The following CACNG2 variants were observed in gnomAD, a reference collection of about 807,000 sequenced individuals.
The protein encoded by CACNG2 is calcium voltage-gated channel auxiliary subunit gamma 2.
Under a neutral mutation model 25.9 loss-of-function variants are expected in CACNG2, and 3 were observed. The observed-to-expected ratio is 0.12, with a 90% CI of 0.05 to 0.30. The LOEUF is 0.30. Ranked by LOEUF, CACNG2 falls within the 10% of genes least tolerant of loss-of-function variation. The probability of loss-of-function intolerance (pLI) is 1.00; values close to 1 mark genes in which losing one functional copy is unlikely to be tolerated. For synonymous variants in CACNG2, 167 were observed against 173.3 expected (o/e 0.96, Z 0.29); for missense variants, 341 against 432.5 (o/e 0.79, Z 1.88).
At chr22:36,686,214 AT>A (rs1937194920) in intron 1 of CACNG2, among the ~76,000 whole-genome samples, 1 of 152,086 alleles carries the variant, frequency 6.6e-6, no homozygotes, top group Non-Finnish European at 1.5e-5. Context: ...TCCCTTCACC[AT>A]GTCAAAACGG....
intron 1 of CACNG2, among the ~76,000 whole-genome samples, chr22:36,696,643 A>G (rs568364935): frequency 1.8e-4 from 28 of 152,322 alleles, no homozygotes; most frequent in African/African-American, 6.5e-4. Flanking sequence ...GTGGTGAGAG[A>G]CAGACACCAC....
intron 1 of CACNG2, among the ~76,000 whole-genome samples, chr22:36,672,213 G>T (rs1936961384): frequency 2.6e-5 from 4 of 151,830 alleles, no homozygotes; most frequent in Admixed American, 2.6e-4. Flanking sequence ...CTGGAGTGCA[G>T]AGGTGTGACC....
intron 1 of CACNG2, among the ~76,000 whole-genome samples, chr22:36,700,325 G>C (rs1601463384): frequency 6.6e-6 from 1 of 152,192 alleles, no homozygotes; most frequent in South Asian, 2.1e-4. Flanking sequence ...GTGATACAAA[G>C]CTACCTCTAG....
chr22:36,589,453 G>A lies in CACNG2; in HGVS notation c.212-1905C>T, dbSNP rs78208555. On this transcript the variant is annotated intron_variant, in intron 1 of 3. Coordinates refer to ENST00000300105, the MANE Select transcript of CACNG2 (RefSeq NM_006078.5). The stretch of plus-strand genomic sequence containing the variant: ...GTATATAGTATACAGGGATACTTAC[G>A]TACTACGTAGGAATATAAGCATTTT... 5.9e-3 allele frequency among the ~76,000 whole-genome samples: 893 copies of A among 152,248 alleles called. 13 individuals carry two copies. Among genetic ancestry groups the A allele is most frequent in the African/African-American group, 0.021 (857 of 41,528 alleles).
chr22:36,676,120 C>A (rs748429355), intron 1 of CACNG2, among the ~76,000 whole-genome samples: 1 of 152,202 alleles, frequency 6.6e-6, no homozygotes, highest in African/African-American at 2.4e-5. Flanking sequence ...CTCCCCACAG[C>A]GCTATCTCTT....
At chr22:36,657,845 C>T (rs763030612) in intron 1 of CACNG2, among the ~76,000 whole-genome samples, 9 of 151,976 alleles carry the variant, frequency 5.9e-5, no homozygotes, top group Non-Finnish European at 1.0e-4. Context: ...CTGGAGCCCC[C>T]GGGAGCCAGG....
Position 36,564,868 on chromosome 22 carries a change from C to G in CACNG2, c.455G>C (p.Gly152Ala). Residue 152 changes from glycine to alanine, a missense_variant, in exon 4 of 4, where the codon GGC (glycine) becomes GCC (alanine). By Grantham distance (60) the Gly-to-Ala change is moderately conservative. Around this residue, in one of 2 missense-constraint regions of CACNG2, gnomAD observed 169 missense variants for 254.4 expected, o/e 0.66. Transcript: ENST00000300105. This position sits in a 1 kb window ranked among gnomAD's most constrained non-coding sequence, Gnocchi z 6.7. ...FVSAGLSNII[G>A]IIVYISANAG... ...ATTGGCAGATATGTACACTATGATG[C>G]CAATGATGTTACTCAGACCTGCGGG... 6.2e-7 allele frequency: 1 copy of G among 1,613,516 alleles called. No homozygotes were observed. The highest frequency in any genetic ancestry group is 8.5e-7 in the Non-Finnish European group (1 of 1,180,010).
At chr22:36,676,478 G>A (rs890072942) in intron 1 of CACNG2, among the ~76,000 whole-genome samples, 1 of 152,156 alleles carries the variant, frequency 6.6e-6, no homozygotes, top group Non-Finnish European at 1.5e-5. Flanking sequence ...TTGCAAATGA[G>A]AAATAGGAGG....
chr22:36,608,562 A>G (rs1233266307), intron 1 of CACNG2, among the ~76,000 whole-genome samples: 2 of 152,230 alleles, frequency 1.3e-5, no homozygotes, highest in African/African-American at 4.8e-5. Context: ...GGTAGGTTCT[A>G]TTAATGAGCC....
intron 1 of CACNG2, among the ~76,000 whole-genome samples, chr22:36,689,586 T>C (rs1040136012): frequency 2.0e-5 from 3 of 152,240 alleles, no homozygotes; most frequent in Non-Finnish European, 4.4e-5. Flanking sequence ...TAATATTCTT[T>C]CTGGGCAATT....
intron 1 of CACNG2, among the ~76,000 whole-genome samples, chr22:36,676,464 C>A (rs540896472): frequency 6.6e-6 from 1 of 152,246 alleles, no homozygotes; most frequent in South Asian, 2.1e-4. Context: ...CAATATCACT[C>A]ATTTTGCAAA....
At chr22:36,635,242 C>T (rs1176286466) in intron 1 of CACNG2, among the ~76,000 whole-genome samples, 1 of 150,504 alleles carries the variant, frequency 6.6e-6, no homozygotes, top group Admixed American at 6.6e-5. Context: ...TGAGATTGCG[C>T]CACTGCACTC....
At chr22:36,640,493 C>T (rs1477838516) in intron 1 of CACNG2, among the ~76,000 whole-genome samples, 1 of 152,204 alleles carries the variant, frequency 6.6e-6, no homozygotes, top group Non-Finnish European at 1.5e-5. Context: ...CAGGCCTCTG[C>T]AGCTGGACAG....
intron 1 of CACNG2, among the ~76,000 whole-genome samples, chr22:36,637,047 G>A (rs1936366700): frequency 6.6e-6 from 1 of 152,212 alleles, no homozygotes; most frequent in Admixed American, 6.5e-5. Flanking sequence ...TCATAATTGG[G>A]CCAGCCTTGA....
chr22:36,571,413 C>T (rs975965904), intron 2 of CACNG2, among the ~76,000 whole-genome samples: 4 of 151,814 alleles, frequency 2.6e-5, no homozygotes, highest in East Asian at 1.9e-4. Flanking sequence ...ACTGAGATTT[C>T]GCCACTGCAC....
chr22:36,659,255 G>A (rs1640953219), intron 1 of CACNG2, among the ~76,000 whole-genome samples: 1 of 152,114 alleles, frequency 6.6e-6, no homozygotes, highest in Non-Finnish European at 1.5e-5. Flanking sequence ...TCTTCCCACA[G>A]CACAAGCTCC....
chr22:36,672,760 G>A (rs906416244), intron 1 of CACNG2, among the ~76,000 whole-genome samples: 1 of 152,146 alleles, frequency 6.6e-6, no homozygotes, highest in African/African-American at 2.4e-5. Context: ...ACCCCACCCA[G>A]GCCCACTGAA....
intron 1 of CACNG2, among the ~76,000 whole-genome samples, chr22:36,669,697 A>T (rs1936923080): frequency 6.6e-6 from 1 of 151,724 alleles, no homozygotes; most frequent in Admixed American, 6.6e-5. Context: ...CTTCATTAAA[A>T]TTTCATTCTC....
rs1190040489 is a variant in CACNG2, at chr22:36,702,523, G to A, written c.54C>T (p.Phe18=). 3.1e-6 allele frequency: 5 copies of A among 1,614,116 alleles called. No homozygotes were observed. Among genetic ancestry groups the A allele is most frequent in the Non-Finnish European group, 4.2e-6 (5 of 1,180,014 alleles). ...VQMLLTTVGA[F]AAFSLMTIAV... ...CTATGGTCATCAGGCTGAAGGCAGC[G>A]AAAGCACCAACGGTGGTTAAAAGCA... Residue 18 remains phenylalanine (F), a synonymous_variant, in exon 1 of 4, where the codon TTC becomes TTT. Coordinates refer to ENST00000300105, the MANE Select transcript of CACNG2 (RefSeq NM_006078.5).
Sources: allele counts gnomAD v4.1 joint callset (sites outside exome capture counted in the v4.1 genomes callset), GRCh38; gene constraint gnomAD v4.1.1; regional missense constraint gnomAD v4.1.1; non-coding constraint Gnocchi (gnomAD v3.1); transcripts MANE v1.5; gene names NCBI Gene and HGNC (gene_info 2026-07-23, HGNC 2026-07-21).